The following PLCG2 variants were observed in gnomAD, a reference collection of about 807,000 sequenced individuals.
PLCG2 encodes 1-phosphatidylinositol 4,5-bisphosphate phosphodiesterase gamma-2.
A neutral mutation model predicts 175.6 loss-of-function variants in PLCG2; 69 were observed. The observed-to-expected ratio is 0.39, with a 90% CI of 0.32 to 0.48. PLCG2 has a LOEUF of 0.48. Among genes scored for constraint, PLCG2 ranks in the 20% least tolerant of loss-of-function variants. The pLI, the probability that PLCG2 is intolerant of heterozygous loss-of-function variation, is 0.91. For synonymous variants in PLCG2, 827 were observed against 624.0 expected, an observed-to-expected ratio of 1.33 and a Z score of -4.85; for missense variants, 1,798 against 1,650.9, an observed-to-expected ratio of 1.09 and a Z score of -1.54.
Position 81,934,543 on chromosome 16 carries a change from C to T in PLCG2, c.2842+12C>T, listed in dbSNP as rs763313210. On this transcript the variant is annotated intron_variant, in intron 26 of 32. Coordinates refer to ENST00000564138, the MANE Select transcript of PLCG2 (RefSeq NM_002661.5). ...CAAGGACAACTTAGGTAACATCTTT[C>T]CCAAGAACATGCCCTATAACTCCAA... is the stretch of plus-strand genomic sequence containing the variant. The T allele has an allele frequency of 1.3e-5, 19 of 1,487,956 alleles. No individual in the cohort carries two copies. Among genetic ancestry groups the T allele is most frequent in the East Asian group, 9.0e-5 (4 of 44,250 alleles). The allele number at this position is 1,487,956 out of a possible 1,614,324, so 92.2% of individuals were successfully genotyped here.
intron 21 of PLCG2, 63 bp from the exon 22 acceptor site, chr16:81,923,422 C>T (rs1910136026): frequency 1.2e-5 from 12 of 988,326 alleles, no homozygotes; most frequent in Middle Eastern, 2.1e-4. Context: ...TACCTGGGAA[C>T]GCAGCCGCCT....
intron 13 of PLCG2, 39 bp downstream of exon 13, chr16:81,895,966 G>C: frequency 3.7e-6 from 6 of 1,613,140 alleles, no homozygotes; most frequent in Non-Finnish European, 5.1e-6. Context: ...ACTTAAAGGG[G>C]AAGGCAGCTA....
intron 2 of PLCG2, among the ~76,000 whole-genome samples, chr16:81,791,601 G>C (rs183754591): frequency 6.6e-6 from 1 of 152,296 alleles, no homozygotes; most frequent in East Asian, 1.9e-4. Flanking sequence ...CGGAATCTCT[G>C]TCACCCAGGC....
chr16:81,765,673 C>T (rs771194709), intron 2 of PLCG2, among the ~76,000 whole-genome samples: 3 of 49,628 alleles, frequency 6.0e-5, no homozygotes, highest in Non-Finnish European at 6.9e-5. Flanking sequence ...CCCTTTTGAC[C>T]CCGGGGTCTC....
chr16:81,927,236 C>G (rs1161647138), intron 23 of PLCG2, 58 bp downstream of exon 23: 6 of 1,188,834 alleles, frequency 5.0e-6, no homozygotes, highest in Non-Finnish European at 7.6e-6. Context: ...TCCAGTTTTT[C>G]AGGGAGCTGT....
intron 30 of PLCG2, among the ~76,000 whole-genome samples, chr16:81,943,614 C>T (rs1911040081): frequency 6.6e-6 from 1 of 152,176 alleles, no homozygotes; most frequent in South Asian, 2.1e-4. Context: ...GATGCAGAAT[C>T]TCAGGCCTCA....
chr16:81,910,019 G>C (rs551137048), intron 17 of PLCG2, among the ~76,000 whole-genome samples: 2 of 142,834 alleles, frequency 1.4e-5, no homozygotes, highest in African/African-American at 2.5e-5. Context: ...GTGGGGTGGG[G>C]TGGGGGAAGT....
Position 81,962,316 on chromosome 16 carries a change from A to G in PLCG2, c.*4318A>G, listed in dbSNP as rs1245392749. 3 of 202,174 alleles carry G rather than the reference A, an allele frequency of 1.5e-5. No individual in the cohort carries two copies. The highest frequency in any genetic ancestry group is 3.0e-5 in the Non-Finnish European group (3 of 98,522). 12.5% of individuals were successfully genotyped at this position (202,174 alleles called of 1,614,324 possible). A position where few individuals can be genotyped will look rare whatever the true frequency, so the allele number is the denominator to read the frequency against. On this transcript the variant is annotated 3_prime_UTR_variant, in exon 33 of 33. Coordinates refer to ENST00000564138, the MANE Select transcript of PLCG2 (RefSeq NM_002661.5). ...CTTTTTGAACCCAACCGTAAAAGCT[A>G]TCTTCTAACCAACAAAAAGTTAATA...
At chr16:81,908,947 C>T (rs1909499140) in intron 17 of PLCG2, among the ~76,000 whole-genome samples, 2 of 152,196 alleles carry the variant, frequency 1.3e-5, no homozygotes, top group Admixed American at 6.5e-5. Context: ...GGTCATGTGG[C>T]TCTGGATGAT....
At position 81,956,886 on chromosome 16, in the gene PLCG2, C is replaced by T; in HGVS notation, c.3755+7C>T. On this transcript the variant is annotated splice_region_variant and intron_variant, in intron 32 of 32. Transcript: ENST00000564138. ...AGGAGAAATGCAACAAGAGGTAGGT[C>T]AGCCCCTCCACCTGCAAAAACTTTT... is the stretch of plus-strand genomic sequence containing the variant. 6.2e-7 allele frequency: 1 copy of T among 1,610,828 alleles called. No homozygotes were observed. The highest frequency in any genetic ancestry group is 8.5e-7 in the Non-Finnish European group (1 of 1,177,490).
At chr16:81,739,158 T>G (rs1227035259) in exon 1 of PLCG2, 3 of 152,172 alleles carry the variant, frequency 2.0e-5, no homozygotes, top group African/African-American at 4.8e-5. Context: ...GGGGGATTTT[T>G]GTTCTCCCAG....
At chr16:81,846,735 C>G (rs1356285577) in intron 2 of PLCG2, among the ~76,000 whole-genome samples, 1 of 152,126 alleles carries the variant, frequency 6.6e-6, no homozygotes, top group African/African-American at 2.4e-5. Flanking sequence ...CAATCCCAAC[C>G]AAAATCTAAT....
In PLCG2 at chr16:81,773,172, G is replaced by C. The variant is rs541086869; in HGVS notation, c.-47-12771G>C. ...AGGGAAAGCATGCTGGGTGTGGGGG[G>C]GCGTTGGGAAAAGGTGTACTCTTTT... On this transcript the variant is annotated intron_variant, in intron 2 of 5. Coordinates refer to the PLCG2 transcript ENST00000565054. Among the ~76,000 whole-genome samples, 5 of 152,264 alleles carry C rather than the reference G, an allele frequency of 3.3e-5. No homozygotes were observed. The East Asian group carries it at 7.7e-4, about 24-fold the overall frequency.
chr16:81,896,291 G>A (rs1221568553), intron 13 of PLCG2, among the ~76,000 whole-genome samples: 1 of 152,092 alleles, frequency 6.6e-6, no homozygotes, highest in Non-Finnish European at 1.5e-5. Flanking sequence ...CACTTTGGGA[G>A]GCTGAGGTGT....
At position 81,958,454 on chromosome 16, in the gene PLCG2, A is replaced by G; in HGVS notation, c.*456A>G. On this transcript the variant is annotated 3_prime_UTR_variant, in exon 33 of 33. Coordinates refer to ENST00000564138, the MANE Select transcript of PLCG2 (RefSeq NM_002661.5). ...GATTCTGAAAAGGATTTTAACTCAA[A>G]GGCAAATGATTCCATAAGGGCCCAA... 4.2e-6 allele frequency: 1 copy of G among 240,712 alleles called. No homozygotes were observed. The highest frequency in any genetic ancestry group is 8.1e-6 in the Non-Finnish European group (1 of 122,904). 14.9% of individuals were successfully genotyped at this position (240,712 alleles called of 1,614,324 possible). A position where few individuals can be genotyped will look rare whatever the true frequency, so the allele number is the denominator to read the frequency against.
At chr16:81,803,174 A>G (rs561784027) in intron 2 of PLCG2, among the ~76,000 whole-genome samples, 5 of 138,812 alleles carry the variant, frequency 3.6e-5, no homozygotes, top group African/African-American at 1.4e-4. Context: ...GCTGGAGTGC[A>G]GTGGCATGAT....
At chr16:81,937,936 C>A (rs1379964892) in intron 28 of PLCG2, 33 bp downstream of exon 28, 1 of 1,609,364 alleles carries the variant, frequency 6.2e-7, no homozygotes, top group Non-Finnish European at 8.5e-7. Context: ...GCCAGGGGAG[C>A]CAGCCGCCCT....
intron 2 of PLCG2, among the ~76,000 whole-genome samples, chr16:81,792,517 A>AG: frequency 6.6e-6 from 1 of 150,468 alleles, no homozygotes; most frequent in African/African-American, 2.4e-5. Context: ...AAAAAGACAA[A>AG]ACAAAACAAA....
intron 2 of PLCG2, among the ~76,000 whole-genome samples, chr16:81,834,019 G>A (rs1326768215): frequency 6.6e-6 from 1 of 152,184 alleles, no homozygotes; most frequent in Admixed American, 6.5e-5. Flanking sequence ...GCAGCTGCTG[G>A]AACGTGGGAA....
Sources: gnomAD v4.1 joint callset for allele counts (sites outside exome capture counted in the v4.1 genomes callset) on GRCh38, gnomAD v4.1.1 for gene constraint, MANE v1.5 for transcripts, NCBI Gene and HGNC (gene_info 2026-07-23, HGNC 2026-07-21) for gene names.